KCMF1: variants seen among roughly 807,000 people sequenced by gnomAD.
KCMF1 encodes the protein potassium channel modulatory factor 1, also known as E3 ubiquitin-protein ligase KCMF1.
A neutral mutation model predicts 41.1 loss-of-function variants in KCMF1; 3 were observed. The observed-to-expected ratio is 0.07, with a 90% CI of 0.03 to 0.19. The LOEUF is 0.19. Among genes scored for constraint, KCMF1 ranks in the 10% least tolerant of loss-of-function variants. KCMF1 has a pLI of 1.00. For synonymous variants in KCMF1, 142 were observed against 164.5 expected (o/e 0.86, Z 1.04); for missense variants, 286 against 488.9 (o/e 0.58, Z 3.91).
rs1676006078 is a variant in KCMF1, at chr2:85,059,103, C to T, written c.*5694C>T. Reference sequence around the variant, plus strand: ...GAAGGAGAGTTCATGGATTCTTACCCCCTAGTCATGAAAGCTATTCTGGCC... The same window carrying T: ...GAAGGAGAGTTCATGGATTCTTACCTCCTAGTCATGAAAGCTATTCTGGCC... On this transcript the variant is annotated 3_prime_UTR_variant, in exon 7 of 7. Transcript: ENST00000409785. The T allele has an allele frequency of 6.6e-6, 1 of 152,150 alleles. No homozygotes were observed. Among genetic ancestry groups the T allele is most frequent in the Non-Finnish European group, 1.5e-5 (1 of 68,018 alleles). 9.4% of individuals were successfully genotyped at this position (152,150 alleles called of 1,614,324 possible). A position where few individuals can be genotyped will look rare whatever the true frequency, so the allele number is the denominator to read the frequency against.
chr2:85,005,340 G>T (rs1232706492), intron 1 of KCMF1, among the ~76,000 whole-genome samples: 1 of 151,490 alleles, frequency 6.6e-6, no homozygotes, highest in Non-Finnish European at 1.5e-5. Context: ...CCAGGCTGGA[G>T]TGCAGTGGCA....
chr2:84,976,327 C>T (rs1673543674), intron 1 of KCMF1, among the ~76,000 whole-genome samples: 1 of 151,886 alleles, frequency 6.6e-6, no homozygotes. Flanking sequence ...CTGCCTCAGC[C>T]TCCCGAGTAG....
At chr2:84,993,676 A>C (rs192714615) in intron 1 of KCMF1, among the ~76,000 whole-genome samples, 1 of 147,714 alleles carries the variant, frequency 6.8e-6, no homozygotes, top group African/African-American at 2.5e-5. Context: ...CCTGGGTTCA[A>C]GCGATTCTGC....
chr2:85,022,546 T>G (rs575402359), intron 1 of KCMF1, among the ~76,000 whole-genome samples: 23 of 152,300 alleles, frequency 1.5e-4, no homozygotes, highest in Non-Finnish European at 2.2e-4. Context: ...GCCCAAAGGT[T>G]GTTGTAAACA....
At chr2:85,018,629 T>C (rs1674848406) in intron 1 of KCMF1, among the ~76,000 whole-genome samples, 1 of 152,040 alleles carries the variant, frequency 6.6e-6, no homozygotes. Context: ...TTAACTCAGT[T>C]TTTGCAGAAT....
intron 1 of KCMF1, among the ~76,000 whole-genome samples, chr2:84,998,253 G>A (rs765106870): frequency 6.7e-6 from 1 of 149,752 alleles, no homozygotes; most frequent in African/African-American, 2.5e-5. Context: ...CACCATGCCC[G>A]GCTGATTTTT....
chr2:85,038,498 CA>C (rs1228381519), intron 3 of KCMF1, among the ~76,000 whole-genome samples: 3 of 152,162 alleles, frequency 2.0e-5, no homozygotes, highest in Non-Finnish European at 2.9e-5. Flanking sequence ...ATTATATCTG[CA>C]GATTTTGTAG....
chr2:84,984,645 AC>A (rs1307896221), intron 1 of KCMF1, among the ~76,000 whole-genome samples: 3 of 151,616 alleles, frequency 2.0e-5, no homozygotes, highest in African/African-American at 7.3e-5. Context: ...ACATGAAGAA[AC>A]CCCGTCACTA....
chr2:85,002,407 C>G (rs974300102), intron 1 of KCMF1, among the ~76,000 whole-genome samples: 1 of 152,106 alleles, frequency 6.6e-6, no homozygotes, highest in East Asian at 1.9e-4. Context: ...TGTTAGCTTA[C>G]TTTTTAAAAA....
In KCMF1 at chr2:84,971,423, G is replaced by A. The variant is rs1673389170; in HGVS notation, c.-29G>A. 3 of 1,232,096 alleles carry A rather than the reference G, an allele frequency of 2.4e-6. No homozygotes were observed. Among genetic ancestry groups the A allele is most frequent in the South Asian group, 4.2e-5 (2 of 47,872 alleles). The allele number at this position is 1,232,096 out of a possible 1,614,324, so 76.3% of individuals were successfully genotyped here. A position where few individuals can be genotyped will look rare whatever the true frequency, so the allele number is the denominator to read the frequency against. ...GGGACACTGCAGCCGGAGCCCGGGA[G>A]GGGCCGCGCCGCCACCGTCTGAACT... On this transcript the variant is annotated 5_prime_UTR_variant, in exon 1 of 7. Coordinates refer to ENST00000409785, the MANE Select transcript of KCMF1 (RefSeq NM_020122.5).
rs1675855733 is a variant in KCMF1, at chr2:85,053,464, GACA to G, written c.*61_*63del. ...TGTGCTGTATTTGCCAATGAAAGTG[GACA>G]ACAACTATCTTGGGTTTGTTTGGTG... On this transcript the variant is annotated 3_prime_UTR_variant, in exon 7 of 7. Coordinates refer to ENST00000409785, the MANE Select transcript of KCMF1 (RefSeq NM_020122.5). 6.6e-7 allele frequency: 1 copy of G among 1,523,002 alleles called. No homozygotes were observed. The highest frequency in any genetic ancestry group is 2.0e-5 in the Admixed American group (1 of 49,034). 94.3% of individuals were successfully genotyped at this position (1,523,002 alleles called of 1,614,324 possible). A position where few individuals can be genotyped will look rare whatever the true frequency, so the allele number is the denominator to read the frequency against.
intron 1 of KCMF1, among the ~76,000 whole-genome samples, chr2:85,012,491 C>A (rs1674675798): frequency 6.6e-6 from 1 of 152,072 alleles, no homozygotes; most frequent in African/African-American, 2.4e-5. Flanking sequence ...TATGCTTAGT[C>A]CCTTCCTTCT....
intron 5 of KCMF1, among the ~76,000 whole-genome samples, chr2:85,048,261 A>C (rs1675720678): frequency 6.6e-6 from 1 of 152,156 alleles, no homozygotes; most frequent in Non-Finnish European, 1.5e-5. Context: ...AGTTTGGGGG[A>C]TTTAAAAAAT....
chr2:84,985,357 CA>C (rs1433537498), intron 1 of KCMF1, among the ~76,000 whole-genome samples: 1 of 152,134 alleles, frequency 6.6e-6, no homozygotes, highest in African/African-American at 2.4e-5. Flanking sequence ...GTGGAAAGTA[CA>C]TACTCAGTTT....
At chr2:84,981,226 G>T (rs1390766880) in intron 1 of KCMF1, among the ~76,000 whole-genome samples, 2 of 147,506 alleles carry the variant, frequency 1.4e-5, no homozygotes, top group Non-Finnish European at 3.0e-5. Context: ...GTCTCACTCT[G>T]TTGCCCAGGC....
chr2:84,987,562 AG>A (rs1404312993), intron 1 of KCMF1, among the ~76,000 whole-genome samples: 3 of 152,156 alleles, frequency 2.0e-5, no homozygotes, highest in Non-Finnish European at 2.9e-5. Context: ...CTAGGAGGGG[AG>A]AGACAGGAAA....
chr2:84,973,469 G>A (rs1235512242), intron 1 of KCMF1, among the ~76,000 whole-genome samples: 1 of 152,118 alleles, frequency 6.6e-6, no homozygotes, highest in Non-Finnish European at 1.5e-5. Context: ...ACCTTTCCTA[G>A]TAACTTATGT....
intron 1 of KCMF1, among the ~76,000 whole-genome samples, chr2:84,995,564 A>G (rs1674158322): frequency 6.6e-6 from 1 of 152,174 alleles, no homozygotes; most frequent in African/African-American, 2.4e-5. Context: ...GATGTGAGCT[A>G]CTTGGATCTA....
intron 3 of KCMF1, among the ~76,000 whole-genome samples, chr2:85,039,522 A>G (rs977408131): frequency 2.0e-5 from 3 of 152,200 alleles, no homozygotes; most frequent in Admixed American, 2.0e-4. Flanking sequence ...TTATATGTGG[A>G]GTAATGACTT....
Sources: gnomAD v4.1 joint callset for allele counts (sites outside exome capture counted in the v4.1 genomes callset) on GRCh38, gnomAD v4.1.1 for gene constraint, MANE v1.5 for transcripts, NCBI Gene and HGNC (gene_info 2026-07-23, HGNC 2026-07-21) for gene names.